The following SAMD3 variants were observed in gnomAD, a reference collection of about 807,000 sequenced individuals.
The protein encoded by SAMD3 is sterile alpha motif domain containing 3, also known as sterile alpha motif domain-containing protein 3.
SAMD3 carries 63 observed loss-of-function variants against 58.5 expected under a neutral mutation model. That is an observed-to-expected ratio of 1.08 (90% confidence interval 0.88 to 1.33). The LOEUF is 1.33. Among genes scored for constraint, SAMD3 ranks in the 40% most tolerant of loss-of-function variants. The pLI is 0.00. For missense variants in SAMD3, 604 were observed against 608.4 expected, an observed-to-expected ratio of 0.99 and a Z score of 0.08; for synonymous variants, 220 against 210.3, an observed-to-expected ratio of 1.05 and a Z score of -0.40.
At chr6:130,298,919 C>A (rs1044797951) in intron 2 of SAMD3, among the ~76,000 whole-genome samples, 20 of 152,012 alleles carry the variant, frequency 1.3e-4, no homozygotes, top group Admixed American at 3.3e-4. Context: ...TTCAATTCAA[C>A]ACTGCGTATG....
At chr6:130,273,902 G>A (rs7772341) in intron 2 of SAMD3, among the ~76,000 whole-genome samples, 74,608 of 151,778 alleles carry the variant, frequency 0.49, 22,225 homozygotes, top group African/African-American at 0.84. Flanking sequence ...TTGACTTTTA[G>A]CTTGTGTACT....
At chr6:130,175,738 G>T (rs13196169) in intron 8 of SAMD3, 103 bp downstream of exon 8, 49,014 of 750,266 alleles carry the variant, frequency 0.065, 2,439 homozygotes, top group African/African-American at 0.21. Flanking sequence ...TTTTAAAAAG[G>T]TATCTTATTT....
At chr6:130,311,901 G>A (rs1033318391) in intron 2 of SAMD3, among the ~76,000 whole-genome samples, 3 of 152,086 alleles carry the variant, frequency 2.0e-5, no homozygotes, top group East Asian at 1.9e-4. Context: ...CAGGAGGGGG[G>A]CCTTTGATGA....
chr6:130,278,761 A>G (rs543625654), intron 2 of SAMD3, among the ~76,000 whole-genome samples: 8 of 152,288 alleles, frequency 5.3e-5, no homozygotes, highest in African/African-American at 1.9e-4. Flanking sequence ...TTCCTGCACA[A>G]TAAGGAGCTG....
In SAMD3 at chr6:130,175,941, T is replaced by C. The variant is rs779617639; in HGVS notation, c.722A>G (p.Gln241Arg). ...YVRRPIEDDE[Q>R]VIRNKCKFGH... Reference sequence around the variant, plus strand: ...AAATTTACACTTATTTCTAATCACTTGCTCATCATCTTCTATGGGTCTTCG... The same window carrying C: ...AAATTTACACTTATTTCTAATCACTCGCTCATCATCTTCTATGGGTCTTCG... Residue 241 changes from glutamine (Q) to arginine (R), a missense_variant, in exon 8 of 12, where the codon CAA becomes CGA. Gln to Arg is a conservative substitution (Grantham distance 43, BLOSUM62 1). Transcript: ENST00000439090. 6.2e-7 allele frequency: 1 copy of C among 1,613,444 alleles called. No homozygotes were observed. Among genetic ancestry groups the C allele is most frequent in the South Asian group, 1.1e-5 (1 of 91,072 alleles).
intron 5 of SAMD3, among the ~76,000 whole-genome samples, chr6:130,197,721 C>T (rs1165843413): frequency 6.6e-6 from 1 of 152,116 alleles, no homozygotes; most frequent in Non-Finnish European, 1.5e-5. Flanking sequence ...TGAGAAACAT[C>T]GCCCATTATC....
At chr6:130,355,725 C>T (rs1280477415) in intron 1 of SAMD3, among the ~76,000 whole-genome samples, 1 of 152,144 alleles carries the variant, frequency 6.6e-6, no homozygotes, top group Non-Finnish European at 1.5e-5. Flanking sequence ...GGCAAGATGA[C>T]ATGACAGACA....
intron 5 of SAMD3, among the ~76,000 whole-genome samples, chr6:130,201,110 C>G (rs958899190): frequency 2.6e-5 from 4 of 152,184 alleles, no homozygotes; most frequent in Admixed American, 2.0e-4. Flanking sequence ...TTACCACCGT[C>G]TTAGCTTAGA....
intron 2 of SAMD3, among the ~76,000 whole-genome samples, chr6:130,282,287 T>A (rs1775008679): frequency 6.6e-6 from 1 of 152,136 alleles, no homozygotes; most frequent in South Asian, 2.1e-4. Flanking sequence ...GATGGTAGTC[T>A]TAAGGAGATA....
intron 1 of SAMD3, among the ~76,000 whole-genome samples, chr6:130,354,868 T>A (rs544803880): frequency 6.6e-6 from 1 of 152,294 alleles, no homozygotes; most frequent in South Asian, 2.1e-4. Flanking sequence ...AATTCAAATT[T>A]GAAGAGATAG....
In SAMD3 at chr6:130,144,569, G is replaced by C; in HGVS notation, c.1514C>G (p.Ser505Cys). The C allele has an allele frequency of 2.5e-6, 4 of 1,613,978 alleles. No individual in the cohort carries two copies. The highest frequency in any genetic ancestry group is 3.4e-6 in the Non-Finnish European group (4 of 1,179,932). ...IFDMHSPYFP[S>C]LKEKENEVGF... ...TACTTCGTTTTCCTTTTCTTTCAAA[G>C]AAGGAAAATAAGGACTGTGCATATC... Residue 505 changes from serine to cysteine, a missense_variant, in exon 12 of 12, where the codon TCT (serine) becomes TGT (cysteine). Transcript: ENST00000439090.
chr6:130,223,331 C>G (rs1796289316), upstream of SAMD3, among the ~76,000 whole-genome samples: 1 of 152,180 alleles, frequency 6.6e-6, no homozygotes, highest in Non-Finnish European at 1.5e-5. Context: ...ATGCACAAAC[C>G]TTTATTTAGC....
At position 130,184,183 on chromosome 6, in the gene SAMD3, G is replaced by T; in HGVS notation, c.574C>A (p.Pro192Thr). Residue 192 changes from proline to threonine, a missense_variant, in exon 7 of 12, where the codon CCC (proline) becomes ACC (threonine). Coordinates refer to ENST00000439090, the MANE Select transcript of SAMD3 (RefSeq NM_001017373.4). Reference protein sequence around the residue: ...MTKYLEGSLYPSTQQYNDVVN... With the variant: ...MTKYLEGSLYTSTQQYNDVVN... Reference sequence around the variant, plus strand: ...ACGTCATTGTACTGCTGGGTGCTGGGGTACCTGTTCACCAAAACAAGGAGG... The same window carrying T: ...ACGTCATTGTACTGCTGGGTGCTGGTGTACCTGTTCACCAAAACAAGGAGG... The T allele has an allele frequency of 6.2e-7, 1 of 1,605,420 alleles. No homozygotes were observed. Among genetic ancestry groups the T allele is most frequent in the Non-Finnish European group, 8.5e-7 (1 of 1,174,560 alleles).
At chr6:130,153,048 T>TGTG in intron 9 of SAMD3, among the ~76,000 whole-genome samples, 1 of 152,308 alleles carries the variant, frequency 6.6e-6, no homozygotes, top group East Asian at 1.9e-4. Context: ...CTCCACTAAT[T>TGTG]CACTCAGCAT....
At chr6:130,216,805 G>A (rs1053014810) in intron 1 of SAMD3, among the ~76,000 whole-genome samples, 189 bp from the exon 2 acceptor site, 4 of 152,168 alleles carry the variant, frequency 2.6e-5, no homozygotes, top group Non-Finnish European at 5.9e-5. Context: ...CAATAGCAGG[G>A]TGTGAAAAGT....
At chr6:130,264,401 T>C (rs1774261182) in intron 2 of SAMD3, among the ~76,000 whole-genome samples, 1 of 152,216 alleles carries the variant, frequency 6.6e-6, no homozygotes, top group African/African-American at 2.4e-5. Context: ...TTCAAGAGCT[T>C]ATCAATCAGT....
intron 1 of SAMD3, among the ~76,000 whole-genome samples, chr6:130,335,618 G>T (rs1049976358): frequency 3.3e-5 from 5 of 152,146 alleles, no homozygotes; most frequent in Non-Finnish European, 7.3e-5. Flanking sequence ...TAGTAATACA[G>T]ATCTAGAACT....
At chr6:130,222,537 G>A (rs182581220) in intron 1 of SAMD3, among the ~76,000 whole-genome samples, 157 bp downstream of exon 1, 36 of 152,282 alleles carry the variant, frequency 2.4e-4, no homozygotes, top group Non-Finnish European at 4.0e-4. Context: ...GGCTGGGAAA[G>A]CATATACTAG....
At chr6:130,196,041 C>T (rs1231408482) in intron 5 of SAMD3, among the ~76,000 whole-genome samples, 2 of 152,182 alleles carry the variant, frequency 1.3e-5, no homozygotes, top group African/African-American at 4.8e-5. Context: ...CTCATCCCAA[C>T]CCTTTTCATT....
Sources: gnomAD v4.1 joint callset for allele counts (sites outside exome capture counted in the v4.1 genomes callset) on GRCh38, gnomAD v4.1.1 for gene constraint, MANE v1.5 for transcripts, NCBI Gene and HGNC (gene_info 2026-07-23, HGNC 2026-07-21) for gene names.